RMP24: variants seen among roughly 807,000 people sequenced by gnomAD.
RMP24 encodes the protein ribonuclease MRP subunit p24.
the RMP24 span, chr18:35,977,748 A>G: frequency 5.6e-6 from 4 of 712,118 alleles, no homozygotes; most frequent in African/African-American, 1.8e-5. Context: ...ACATACTCCC[A>G]TATCTTCAAT....
At chr18:35,978,846 C>G in the RMP24 span, 1 of 1,595,836 alleles carries the variant, frequency 6.3e-7, no homozygotes, top group Non-Finnish European at 8.5e-7. Flanking sequence ...ACACCTACAT[C>G]TGGACAGTCA....
At chr18:35,977,405 GGTA>G in the RMP24 span, 1 of 1,599,882 alleles carries the variant, frequency 6.3e-7, no homozygotes, top group East Asian at 2.2e-5. Context: ...TTATTTTTAT[GGTA>G]GTTGATCACT....
At chr18:35,976,243 G>A in the RMP24 span, among the ~76,000 whole-genome samples, 1 of 142,164 alleles carries the variant, frequency 7.0e-6, no homozygotes, top group Non-Finnish European at 1.5e-5. Context: ...CCCACCTCCT[G>A]GGTTCACGCC....
At chr18:35,975,416 A>G in the RMP24 span, among the ~76,000 whole-genome samples, 2 of 152,212 alleles carry the variant, frequency 1.3e-5, no homozygotes, top group Non-Finnish European at 2.9e-5. Flanking sequence ...TTACCACTAC[A>G]TTATTTTTTC....
At chr18:35,979,029 A>C in the RMP24 span, 6 of 1,542,402 alleles carry the variant, frequency 3.9e-6, no homozygotes, top group Admixed American at 1.3e-4. Context: ...GTCAATTCTG[A>C]AACTAAAGTT....
the RMP24 span, chr18:35,977,388 A>T: frequency 1.3e-6 from 2 of 1,594,004 alleles, no homozygotes; most frequent in South Asian, 2.2e-5. Flanking sequence ...GACGGGACTG[A>T]TATTTCTTAT....
chr18:35,974,959 C>G, the RMP24 span: 1 of 1,614,138 alleles, frequency 6.2e-7, no homozygotes, highest in Non-Finnish European at 8.5e-7. Flanking sequence ...CTGGATAACT[C>G]TCGAGTGCGT....
At chr18:35,977,862 ATGTTCAAAACTTAGTTCATCAT>A in the RMP24 span, among the ~76,000 whole-genome samples, 55 of 152,258 alleles carry the variant, frequency 3.6e-4, no homozygotes, top group African/African-American at 1.3e-3. Flanking sequence ...AGTCCCCTAC[ATGTTCAAAACTTAGTTCATCAT>A]TGCCCCACAG....
chr18:35,977,591 C>T, the RMP24 span: 86 of 1,611,128 alleles, frequency 5.3e-5, no homozygotes, highest in African/African-American at 9.5e-4. Context: ...AGCCCAGCAT[C>T]GGTTTTCAGG....
At chr18:35,977,523 G>C in the RMP24 span, 8 of 1,614,038 alleles carry the variant, frequency 5.0e-6, no homozygotes, top group East Asian at 1.8e-4. Context: ...TCAGCCTGAA[G>C]ACACCAGAGA....
the RMP24 span, chr18:35,973,940 C>T: frequency 6.6e-6 from 1 of 152,594 alleles, no homozygotes; most frequent in Non-Finnish European, 1.5e-5. Flanking sequence ...CCATCACCAG[C>T]TCTCTCCTGG....
the RMP24 span, chr18:35,975,039 C>T: frequency 1.2e-6 from 2 of 1,614,044 alleles, no homozygotes; most frequent in Non-Finnish European, 8.5e-7. Flanking sequence ...AAACTATACA[C>T]TCAGTTTTAA....
chr18:35,978,955 G>T, the RMP24 span: 1 of 1,611,438 alleles, frequency 6.2e-7, no homozygotes, highest in Non-Finnish European at 8.5e-7. Flanking sequence ...AGATTCCAAA[G>T]GTGGACTTCA....
the RMP24 span, chr18:35,972,989 G>T: frequency 2.6e-6 from 4 of 1,558,226 alleles, no homozygotes; most frequent in Admixed American, 5.1e-5. Context: ...AAATAAGGCC[G>T]ATGGACTCAC....
At chr18:35,975,115 A>G in the RMP24 span, 1 of 1,590,006 alleles carries the variant, frequency 6.3e-7, no homozygotes, top group Non-Finnish European at 8.6e-7. Context: ...CAGTTCCAGT[A>G]TGTATGAGTA....
At chr18:35,978,812 A>C in the RMP24 span, 1,106 of 1,560,428 alleles carry the variant, frequency 7.1e-4, 11 homozygotes, top group South Asian at 0.013. Context: ...GGTATAACTA[A>C]GTGTGGTTTT....
At chr18:35,979,037 G>A in the RMP24 span, 40 of 1,537,406 alleles carry the variant, frequency 2.6e-5, no homozygotes, top group Non-Finnish European at 3.1e-5. Context: ...TGAAACTAAA[G>A]TTGGTAAAAC....
At chr18:35,978,480 G>A in the RMP24 span, among the ~76,000 whole-genome samples, 1,082 of 152,292 alleles carry the variant, frequency 7.1e-3, 12 homozygotes, top group African/African-American at 0.023. Flanking sequence ...GCGTAGCGGC[G>A]TGCGCCTGTA....
chr18:35,976,739 C>T, the RMP24 span, among the ~76,000 whole-genome samples: 1 of 152,126 alleles, frequency 6.6e-6, no homozygotes, highest in African/African-American at 2.4e-5. Context: ...AGTTCATCTG[C>T]AAAAAAATAT....
Sources: allele counts gnomAD v4.1 joint callset (sites outside exome capture counted in the v4.1 genomes callset), GRCh38; gene constraint gnomAD v4.1.1; transcripts MANE v1.5; gene names NCBI Gene and HGNC (gene_info 2026-07-23, HGNC 2026-07-21).